The following PPARGC1A variants were observed in gnomAD, a reference collection of about 807,000 sequenced individuals.
The protein encoded by PPARGC1A is PPARG coactivator 1 alpha.
A neutral mutation model predicts 88.7 loss-of-function variants in PPARGC1A; 25 were observed. The observed-to-expected ratio is 0.28, with a 90% confidence interval of 0.21 to 0.39. The LOEUF (loss-of-function observed/expected upper bound fraction) is 0.39, where lower values mean the gene tolerates loss of function less well. Among genes scored for constraint, PPARGC1A ranks in the 10% least tolerant of loss-of-function variants. PPARGC1A has a pLI of 1.00. For missense variants in PPARGC1A, 880 were observed against 968.7 expected (o/e 0.91, Z 1.22); for synonymous variants, 363 against 355.6 (o/e 1.02, Z -0.24).
chr4:24,393,600 G>A, the PPARGC1A span, among the ~76,000 whole-genome samples: 2 of 152,196 alleles, frequency 1.3e-5, no homozygotes, highest in African/African-American at 4.8e-5. Flanking sequence ...CATTATTAGT[G>A]AGTAGGGAAA....
the PPARGC1A span, among the ~76,000 whole-genome samples, chr4:24,170,625 T>C: frequency 0.016 from 2,493 of 152,264 alleles, 62 homozygotes; most frequent in African/African-American, 0.056. Context: ...AGCTCGTTGA[T>C]AGAGTGGAGG....
the PPARGC1A span, among the ~76,000 whole-genome samples, chr4:23,994,299 T>C: frequency 2.6e-5 from 4 of 152,130 alleles, no homozygotes; most frequent in Non-Finnish European, 5.9e-5. Context: ...AGAGTTCTTT[T>C]GATCCCTCCT....
the PPARGC1A span, among the ~76,000 whole-genome samples, chr4:24,405,525 A>T: frequency 1.3e-5 from 2 of 152,166 alleles, no homozygotes; most frequent in Non-Finnish European, 2.9e-5. Flanking sequence ...CTGTTCTATA[A>T]TCAGTGCTAT....
At chr4:24,222,860 T>G in the PPARGC1A span, among the ~76,000 whole-genome samples, 1 of 152,206 alleles carries the variant, frequency 6.6e-6, no homozygotes, top group African/African-American at 2.4e-5. Flanking sequence ...TTAGACACAA[T>G]ACTAAACTGG....
At chr4:23,922,830 G>T in the PPARGC1A span, among the ~76,000 whole-genome samples, 3 of 152,138 alleles carry the variant, frequency 2.0e-5, no homozygotes, top group Non-Finnish European at 2.9e-5. Context: ...GCTTCCACAC[G>T]CAATTTACTA....
chr4:24,427,179 A>G, the PPARGC1A span, among the ~76,000 whole-genome samples: 2 of 152,144 alleles, frequency 1.3e-5, no homozygotes, highest in African/African-American at 4.8e-5. Flanking sequence ...CTCATTACAA[A>G]TTCACTTGTA....
At chr4:24,132,213 C>A in the PPARGC1A span, among the ~76,000 whole-genome samples, 2 of 152,058 alleles carry the variant, frequency 1.3e-5, no homozygotes, top group Non-Finnish European at 2.9e-5. Flanking sequence ...AGTCATGGAG[C>A]CAAATTTATT....
the PPARGC1A span, among the ~76,000 whole-genome samples, chr4:24,374,871 C>T: frequency 6.6e-6 from 1 of 152,052 alleles, no homozygotes; most frequent in Non-Finnish European, 1.5e-5. Context: ...TACTATATGA[C>T]CCAACAATTC....
chr4:24,294,625 T>C, the PPARGC1A span, among the ~76,000 whole-genome samples: 2 of 152,134 alleles, frequency 1.3e-5, no homozygotes, highest in South Asian at 4.1e-4. Context: ...GGGTAAAGAA[T>C]TATTAGCCTT....
At chr4:23,862,267 T>G (rs1199703968) in intron 2 of PPARGC1A, among the ~76,000 whole-genome samples, 1 of 152,152 alleles carries the variant, frequency 6.6e-6, no homozygotes, top group African/African-American at 2.4e-5. Context: ...GATGTTTAGG[T>G]AGAGGTGGAA....
chr4:24,441,684 CAGAA>C, the PPARGC1A span, among the ~76,000 whole-genome samples: 1 of 146,422 alleles, frequency 6.8e-6, no homozygotes, highest in Non-Finnish European at 1.5e-5. Flanking sequence ...GAGGAAGAAA[CAGAA>C]GGAAGGAGGG....
the PPARGC1A span, among the ~76,000 whole-genome samples, chr4:24,144,495 G>A: frequency 6.6e-6 from 1 of 151,544 alleles, no homozygotes; most frequent in African/African-American, 2.4e-5. Context: ...CAGTGGCTTG[G>A]ATATTCACAT....
the PPARGC1A span, among the ~76,000 whole-genome samples, chr4:23,956,121 A>T: frequency 3.3e-5 from 5 of 152,254 alleles, no homozygotes; most frequent in East Asian, 7.7e-4. Flanking sequence ...TCAACTACTT[A>T]AAAATATAAA....
Position 23,828,576 on chromosome 4 carries a change from T to A in PPARGC1A, c.581A>T (p.Lys194Met). 3.1e-6 allele frequency: 5 copies of A among 1,614,134 alleles called. No individual in the cohort carries two copies. The highest frequency in any genetic ancestry group is 4.2e-6 in the Non-Finnish European group (5 of 1,180,006). Residue 194 changes from lysine to methionine, a missense_variant, in exon 5 of 13, where the codon AAG (lysine) becomes ATG (methionine). By Grantham distance (95) the Lys-to-Met change is moderately conservative. Transcript: ENST00000264867. ...TGGCTTTTGCTGTTGACAAATACTC[T>A]TCGCTTTATTGCTCCATGAATTCTC... ...KTENSWSNKAKSICQQQKPQR... is the reference protein window; with the variant it reads ...KTENSWSNKAMSICQQQKPQR...
chr4:23,942,246 A>G, the PPARGC1A span, among the ~76,000 whole-genome samples: 3 of 152,218 alleles, frequency 2.0e-5, no homozygotes, highest in Non-Finnish European at 2.9e-5. Context: ...ACAGGAACCC[A>G]TAAGAAATAA....
chr4:24,038,430 T>C, the PPARGC1A span, among the ~76,000 whole-genome samples: 3 of 152,188 alleles, frequency 2.0e-5, no homozygotes, highest in Admixed American at 6.5e-5. Context: ...CTTGAGCCAA[T>C]GCAATTAACT....
At chr4:24,130,013 G>A in the PPARGC1A span, among the ~76,000 whole-genome samples, 17 of 152,196 alleles carry the variant, frequency 1.1e-4, 1 homozygote, top group South Asian at 1.0e-3. Flanking sequence ...TGGGGGGACC[G>A]GGGAGGGACA....
intron 2 of PPARGC1A, among the ~76,000 whole-genome samples, chr4:23,853,696 G>GAA (rs1729707745): frequency 6.6e-6 from 1 of 152,084 alleles, no homozygotes; most frequent in African/African-American, 2.4e-5. Context: ...TACCCAGAAG[G>GAA]ATAGACAGAA....
At chr4:23,946,882 A>T in the PPARGC1A span, among the ~76,000 whole-genome samples, 1 of 151,996 alleles carries the variant, frequency 6.6e-6, no homozygotes, top group Non-Finnish European at 1.5e-5. Flanking sequence ...TGCTACAAAG[A>T]TGGTATTTTT....
Sources: gnomAD v4.1 joint callset for allele counts (sites outside exome capture counted in the v4.1 genomes callset) on GRCh38, gnomAD v4.1.1 for gene constraint, MANE v1.5 for transcripts, NCBI Gene and HGNC (gene_info 2026-07-23, HGNC 2026-07-21) for gene names.